IFT88: variants seen among roughly 807,000 people sequenced by gnomAD.
IFT88 encodes the protein intraflagellar transport 88.
Under a neutral mutation model 119.5 loss-of-function variants are expected in IFT88, and 74 were observed. That is an observed-to-expected ratio of 0.62 (90% CI 0.51 to 0.75). IFT88 has a LOEUF of 0.75. Ranked by LOEUF, IFT88 falls within the 30% of genes least tolerant of loss-of-function variation. IFT88 has a pLI of 0.00. For missense variants in IFT88, 961 were observed against 977.7 expected, an observed-to-expected ratio of 0.98 and a Z score of 0.23; for synonymous variants, 279 against 316.7, an observed-to-expected ratio of 0.88 and a Z score of 1.26.
Position 20,646,044 on chromosome 13 carries a change from A to G in IFT88, c.1949+1086A>G, listed in dbSNP as rs1242112399. 3.9e-5 allele frequency among the ~76,000 whole-genome samples: 6 copies of G among 152,176 alleles called. No individual in the cohort carries two copies. The East Asian group carries it at 7.7e-4, about 19-fold the overall frequency. On this transcript the variant is annotated intron_variant, in intron 20 of 25. Transcript: ENST00000351808. ...CTAACATTAGCCATTAGCTCATGCA[A>G]CACTCTTCCTTCTTTGAGGCTCAGT... is the stretch of plus-strand genomic sequence containing the variant.
chr13:20,567,414 G>C (rs538772964), intron 1 of IFT88, among the ~76,000 whole-genome samples, 158 bp downstream of exon 1: 31 of 152,336 alleles, frequency 2.0e-4, no homozygotes, highest in African/African-American at 7.2e-4. Flanking sequence ...AGATGGACTC[G>C]GCCTGCCCCT....
intron 8 of IFT88, 62 bp from the exon 9 acceptor site, chr13:20,596,953 C>G (rs1456268644): frequency 2.0e-5 from 17 of 866,890 alleles, no homozygotes; most frequent in Non-Finnish European, 3.0e-5. Context: ...GTAGATATTT[C>G]TCAAATGCAT....
chr13:20,687,022 CAAA>C (rs370247448), intron 24 of IFT88, among the ~76,000 whole-genome samples: 24,074 of 59,672 alleles, frequency 0.4, 2,645 homozygotes, highest in Middle Eastern at 0.45. Context: ...ACTTTCTTAC[CAAA>C]AAAAAAAAAA....
Position 20,610,580 on chromosome 13 carries a change from G to GA in IFT88, c.1113-5201dup, listed in dbSNP as rs202084557. Among the ~76,000 whole-genome samples, 723 of 135,942 alleles carry GA rather than the reference G, an allele frequency of 5.3e-3. 4 individuals carry two copies. The highest frequency in any genetic ancestry group is 0.037 in the East Asian group (175 of 4,734). The allele number at this position is 135,942 out of a possible 152,430, so 89.2% of individuals were successfully genotyped here. A position where few individuals can be genotyped will look rare whatever the true frequency, so the allele number is the denominator to read the frequency against. On this transcript the variant is annotated intron_variant, in intron 13 of 25. Transcript: ENST00000351808. Reference sequence around the variant, plus strand: ...TTTAATGAAATCTCTGATGTTACTGGAAAAAAAAAAAAGGAATGAACATCA... The same window carrying GA: ...TTTAATGAAATCTCTGATGTTACTGGAAAAAAAAAAAAAGGAATGAACATCA...
Position 20,601,765 on chromosome 13 carries a change from T to C in IFT88, c.873T>C (p.Ala291=). 1 of 1,613,358 alleles carries C rather than the reference T, an allele frequency of 6.2e-7. No individual in the cohort carries two copies. Among genetic ancestry groups the C allele is most frequent in the East Asian group, 2.2e-5 (1 of 44,834 alleles). Residue 291 remains alanine (A), a synonymous_variant, in exon 12 of 26, where the codon GCT becomes GCC. Transcript: ENST00000351808. ...TFIQAGQYSD[A]INSYEHIMSM... ...TTCAGGCTGGTCAGTATTCAGATGC[T>C]ATTAATTCATATGAGCACATAATGA... is the stretch of plus-strand genomic sequence containing the variant.
intron 19 of IFT88, 62 bp from the exon 20 acceptor site, chr13:20,644,781 C>A: frequency 1.4e-6 from 1 of 733,262 alleles, no homozygotes; most frequent in South Asian, 1.9e-5. Flanking sequence ...GTAAAGTATT[C>A]AAGAAGTAAA....
chr13:20,679,692 AG>A (rs2057101562), intron 24 of IFT88, among the ~76,000 whole-genome samples: 1 of 152,246 alleles, frequency 6.6e-6, no homozygotes. Context: ...CTATGTATCC[AG>A]ACTGAACTGT....
chr13:20,653,753 A>G (rs763941167), intron 20 of IFT88, 123 bp from the exon 21 acceptor site: 18 of 496,460 alleles, frequency 3.6e-5, no homozygotes, highest in East Asian at 6.3e-5. Context: ...GCTGTTCTCA[A>G]TAATAAAAAT....
intron 16 of IFT88, among the ~76,000 whole-genome samples, chr13:20,632,601 G>C (rs891149692): frequency 6.6e-6 from 1 of 152,164 alleles, no homozygotes; most frequent in Non-Finnish European, 1.5e-5. Flanking sequence ...CCAACCCCTT[G>C]TTTAAATTTA....
At chr13:20,580,850 T>C (rs1164682683) in intron 2 of IFT88, among the ~76,000 whole-genome samples, 8 of 150,844 alleles carry the variant, frequency 5.3e-5, no homozygotes, top group Admixed American at 2.7e-4. Flanking sequence ...CTCAGCCTCC[T>C]GAGTAGCTGG....
chr13:20,677,875 T>A (rs2056872541), intron 24 of IFT88, among the ~76,000 whole-genome samples: 1 of 152,182 alleles, frequency 6.6e-6, no homozygotes, highest in South Asian at 2.1e-4. Flanking sequence ...ACCACTATAT[T>A]CATAACACAT....
At chr13:20,684,362 A>G (rs1207228045) in intron 24 of IFT88, among the ~76,000 whole-genome samples, 2 of 152,164 alleles carry the variant, frequency 1.3e-5, no homozygotes, top group Non-Finnish European at 1.5e-5. Flanking sequence ...ATAGAGGGGT[A>G]GGGACAAACC....
chr13:20,574,952 G>A (rs1593670011), intron 2 of IFT88, among the ~76,000 whole-genome samples: 2 of 152,060 alleles, frequency 1.3e-5, no homozygotes, highest in South Asian at 4.2e-4. Context: ...TTTATCCTTT[G>A]TGTTCCAAAC....
intron 2 of IFT88, among the ~76,000 whole-genome samples, chr13:20,576,916 T>G (rs2037493860): frequency 6.6e-6 from 1 of 152,208 alleles, no homozygotes; most frequent in Non-Finnish European, 1.5e-5. Context: ...CATTGGTATT[T>G]TGATAGGTGT....
chr13:20,577,683 C>T (rs888142325), intron 2 of IFT88, among the ~76,000 whole-genome samples: 4 of 152,106 alleles, frequency 2.6e-5, no homozygotes, highest in African/African-American at 9.7e-5. Context: ...TTGAACCATC[C>T]TTGCATCCCT....
chr13:20,638,276 C>A, intron 16 of IFT88, 56 bp from the exon 17 acceptor site: 1 of 921,740 alleles, frequency 1.1e-6, no homozygotes, highest in Non-Finnish European at 1.5e-6. Context: ...AATCTCAGAA[C>A]AGTCAGAAAA....
chr13:20,615,804 C>A lies in IFT88; in HGVS notation c.1124C>A (p.Ala375Glu), dbSNP rs781452341. The change falls in exon 14 of 26, where the codon GCA becomes GAA. Residue 375 changes from alanine (A) to glutamate (E), a missense_variant. Coordinates refer to ENST00000351808, the MANE Select transcript of IFT88 (RefSeq NM_006531.5). ...RQMERERKAM[A>E]EKYIMTSAKL... ...TTTATTTGATATAGGAAAGCCATGG[C>A]AGAAAAATATATTATGACATCTGCA... 1 of 1,595,634 alleles carries A rather than the reference C, an allele frequency of 6.3e-7. No homozygotes were observed. The highest frequency in any genetic ancestry group is 2.3e-5 in the East Asian group (1 of 44,438).
At chr13:20,585,999 T>C (rs938391777) in intron 3 of IFT88, among the ~76,000 whole-genome samples, 2 of 152,226 alleles carry the variant, frequency 1.3e-5, no homozygotes, top group African/African-American at 4.8e-5. Context: ...TACATCTTTA[T>C]TGACTAACTT....
At chr13:20,630,974 T>C (rs1373539413) in intron 15 of IFT88, 42 bp from the exon 16 acceptor site, 1 of 1,179,104 alleles carries the variant, frequency 8.5e-7, no homozygotes, top group Non-Finnish European at 1.2e-6. Context: ...TTGAGTACTG[T>C]CATATTACAG....
Sources: allele counts gnomAD v4.1 joint callset (sites outside exome capture counted in the v4.1 genomes callset), GRCh38; gene constraint gnomAD v4.1.1; transcripts MANE v1.5; gene names NCBI Gene and HGNC (gene_info 2026-07-23, HGNC 2026-07-21).